The following PPM1L variants were observed in gnomAD, a reference collection of about 807,000 sequenced individuals.
The protein encoded by PPM1L is protein phosphatase, Mg2+/Mn2+ dependent 1L.
PPM1L carries 13 observed loss-of-function variants against 31.4 expected under a neutral mutation model. The ratio of observed to expected loss-of-function variants is 0.41; its 90% CI spans 0.27 to 0.66. PPM1L has a LOEUF of 0.66. PPM1L is among the 30% of genes least tolerant of loss of function. The probability of loss-of-function intolerance (pLI) is 0.29; values close to 1 mark genes in which losing one functional copy is unlikely to be tolerated. For synonymous variants in PPM1L, 184 were observed against 175.4 expected (o/e 1.05, Z -0.39); for missense variants, 326 against 453.7 (o/e 0.72, Z 2.56).
At chr3:161,010,339 T>TTTTATGGCTGCATAGTATTCCA (rs1282768028) in intron 2 of PPM1L, among the ~76,000 whole-genome samples, 1 of 152,156 alleles carries the variant, frequency 6.6e-6, no homozygotes, top group Non-Finnish European at 1.5e-5. Context: ...AACTCATCCT[T>TTTTATGGCTGCATAGTATTCCA]TTTATGGCTG....
chr3:160,897,755 G>A (rs1254735909), intron 1 of PPM1L, among the ~76,000 whole-genome samples: 5 of 152,236 alleles, frequency 3.3e-5, no homozygotes, highest in Non-Finnish European at 7.3e-5. Context: ...CCAGCTGGAT[G>A]CAGGGAAATA....
At chr3:161,049,233 G>T (rs1719188463) in intron 2 of PPM1L, among the ~76,000 whole-genome samples, 1 of 151,896 alleles carries the variant, frequency 6.6e-6, no homozygotes, top group Non-Finnish European at 1.5e-5. Flanking sequence ...AGCCAGGATT[G>T]TGCCACTGCG....
At chr3:160,926,543 C>G (rs1992853) in intron 1 of PPM1L, among the ~76,000 whole-genome samples, 11 of 152,278 alleles carry the variant, frequency 7.2e-5, no homozygotes, top group African/African-American at 2.2e-4. Flanking sequence ...GAACCTCCCC[C>G]CCTTAATGCC....
At chr3:160,938,375 A>G (rs1022520272) in intron 1 of PPM1L, among the ~76,000 whole-genome samples, 3 of 152,192 alleles carry the variant, frequency 2.0e-5, no homozygotes, top group Non-Finnish European at 4.4e-5. Flanking sequence ...TGGATAATCA[A>G]TATGCTTCTA....
intron 1 of PPM1L, among the ~76,000 whole-genome samples, chr3:160,908,285 G>A (rs1010842539): frequency 2.6e-5 from 4 of 152,168 alleles, no homozygotes; most frequent in Non-Finnish European, 4.4e-5. Flanking sequence ...CAAGCATGGT[G>A]TAAGAGTGCT....
intron 1 of PPM1L, among the ~76,000 whole-genome samples, chr3:160,944,809 A>T (rs13086747): frequency 2.7e-4 from 2 of 7,306 alleles, no homozygotes; most frequent in South Asian, 2.2e-3. Context: ...TAACATATAT[A>T]ACATATATAT....
intron 2 of PPM1L, among the ~76,000 whole-genome samples, chr3:161,003,570 G>A (rs559655132): frequency 1.3e-5 from 2 of 151,964 alleles, no homozygotes; most frequent in Non-Finnish European, 2.9e-5. Context: ...TTGTAAGTTG[G>A]ATTCCTAGGT....
Position 160,855,847 on chromosome 3 carries a change from A to G in PPM1L, c.399+99140A>G, listed in dbSNP as rs962570197. Among the ~76,000 whole-genome samples the G allele has an allele frequency of 2.6e-5, 4 of 152,290 alleles. No individual in the cohort carries two copies. In the South Asian group the frequency reaches 6.2e-4, roughly 24 times the overall value. Reference sequence around the variant, plus strand: ...AACAGAACTCCCATTCGACCCAGCAATTCCATTATTAGGTTGTATTAGGGT... The same window carrying G: ...AACAGAACTCCCATTCGACCCAGCAGTTCCATTATTAGGTTGTATTAGGGT... On this transcript the variant is annotated intron_variant, in intron 1 of 3. Transcript: ENST00000498165.
intron 1 of PPM1L, among the ~76,000 whole-genome samples, chr3:160,778,839 G>T (rs918024170): frequency 6.6e-6 from 1 of 152,142 alleles, no homozygotes; most frequent in Non-Finnish European, 1.5e-5. Flanking sequence ...CCTGTCTTGA[G>T]AACTTTAAAG....
intron 1 of PPM1L, among the ~76,000 whole-genome samples, chr3:160,940,774 G>C (rs1053698507): frequency 1.2e-4 from 18 of 152,294 alleles, no homozygotes; most frequent in Non-Finnish European, 2.6e-4. Context: ...GGGAAATGTG[G>C]CATTAGAGCT....
chr3:161,027,186 A>G (rs2108076927), intron 2 of PPM1L, among the ~76,000 whole-genome samples: 1 of 152,348 alleles, frequency 6.6e-6, no homozygotes, highest in East Asian at 1.9e-4. Flanking sequence ...AATTTTATGT[A>G]AAGATTGGAT....
chr3:160,927,385 A>T (rs1337443638), intron 1 of PPM1L, among the ~76,000 whole-genome samples: 1 of 152,198 alleles, frequency 6.6e-6, no homozygotes, highest in Admixed American at 6.5e-5. Context: ...ATAAAATCAT[A>T]ACATAGAGCA....
At chr3:161,065,311 T>G (rs1719702084) in intron 2 of PPM1L, 92 bp from the exon 3 acceptor site, 6 of 1,320,612 alleles carry the variant, frequency 4.5e-6, no homozygotes, top group Non-Finnish European at 6.3e-6. Context: ...CAGAAGCAAT[T>G]TTAATGACTG....
At chr3:160,888,451 T>C (rs1713011657) in intron 1 of PPM1L, among the ~76,000 whole-genome samples, 1 of 152,018 alleles carries the variant, frequency 6.6e-6, no homozygotes, top group Admixed American at 6.6e-5. Context: ...TACATAATGG[T>C]AAAGGAAACA....
intron 1 of PPM1L, among the ~76,000 whole-genome samples, chr3:160,815,974 G>A (rs1712982082): frequency 1.3e-5 from 2 of 152,016 alleles, no homozygotes; most frequent in South Asian, 4.2e-4. Context: ...GAATCTAAAT[G>A]GAAACACAGT....
At chr3:160,975,230 A>G (rs1213385601) in intron 2 of PPM1L, among the ~76,000 whole-genome samples, 4 of 151,982 alleles carry the variant, frequency 2.6e-5, no homozygotes, top group South Asian at 2.1e-4. Flanking sequence ...CCATTGATCT[A>G]TATCTCTGTT....
chr3:160,789,816 G>T (rs1020500963), intron 1 of PPM1L, among the ~76,000 whole-genome samples: 2 of 151,872 alleles, frequency 1.3e-5, no homozygotes, highest in South Asian at 4.1e-4. Context: ...ACATGATCAT[G>T]TGTGTATAGT....
At chr3:161,056,831 G>A (rs1047403794) in intron 2 of PPM1L, among the ~76,000 whole-genome samples, 24 of 152,232 alleles carry the variant, frequency 1.6e-4, no homozygotes, top group Admixed American at 1.6e-3. Flanking sequence ...GGAGGCCGAG[G>A]TGGGTAGATC....
chr3:161,072,069 G>A lies in PPM1L; in HGVS notation c.*2912G>A, dbSNP rs1487958263. ...ATGCCAGGCCCAGGTCTCCATTAATGCAGTGCTCTGCTGCTGCTCCACTGG... is the reference window on the plus strand; with the variant it reads ...ATGCCAGGCCCAGGTCTCCATTAATACAGTGCTCTGCTGCTGCTCCACTGG... On this transcript the variant is annotated 3_prime_UTR_variant, in exon 4 of 4. Transcript: ENST00000498165. 1.3e-5 allele frequency: 2 copies of A among 152,206 alleles called. No homozygotes were observed. The highest frequency in any genetic ancestry group is 2.9e-5 in the Non-Finnish European group (2 of 68,048). 9.4% of individuals were successfully genotyped at this position (152,206 alleles called of 1,614,324 possible).
Sources: allele counts gnomAD v4.1 joint callset (sites outside exome capture counted in the v4.1 genomes callset), GRCh38; gene constraint gnomAD v4.1.1; transcripts MANE v1.5; gene names NCBI Gene and HGNC (gene_info 2026-07-23, HGNC 2026-07-21).